Variants in CSMD3 observed in about 807,000 individuals in gnomAD.
The protein encoded by CSMD3 is CUB and sushi domain-containing protein 3.
CSMD3 carries 177 observed loss-of-function variants against 435.2 expected under a neutral mutation model. The ratio of observed to expected loss-of-function variants is 0.41; its 90% CI spans 0.36 to 0.46. The LOEUF (loss-of-function observed/expected upper bound fraction) is 0.46. Among genes scored for constraint, CSMD3 ranks in the 20% least tolerant of loss-of-function variants. CSMD3 has a pLI of 0.34. For synonymous variants in CSMD3, 1,656 were observed against 1,520.5 expected, an observed-to-expected ratio of 1.09 and a Z score of -2.07; for missense variants, 4,265 against 4,504.6, an observed-to-expected ratio of 0.95 and a Z score of 1.52.
intron 7 of CSMD3, among the ~76,000 whole-genome samples, chr8:112,974,889 T>A (rs2084789401): frequency 6.6e-6 from 1 of 151,760 alleles, no homozygotes; most frequent in Admixed American, 6.6e-5. Context: ...CCATGCCTAA[T>A]CACACTGCAA....
intron 59 of CSMD3, among the ~76,000 whole-genome samples, chr8:112,278,916 G>T (rs1239816564): frequency 6.6e-6 from 1 of 151,906 alleles, no homozygotes; most frequent in Non-Finnish European, 1.5e-5. Context: ...TTAAAATAAT[G>T]ATTTGGAACT....
chr8:112,865,289 G>A (rs2080945320), intron 10 of CSMD3, among the ~76,000 whole-genome samples: 1 of 152,068 alleles, frequency 6.6e-6, no homozygotes, highest in Admixed American at 6.6e-5. Flanking sequence ...GGCTGAGTAA[G>A]GACATGATTC....
In CSMD3 at chr8:112,859,239, C is replaced by T. The variant is rs1361326399; in HGVS notation, c.1661G>A (p.Gly554Glu). ...KVKTCGSNLQGPSGTFTSPNF... is the reference protein window; with the variant it reads ...KVKTCGSNLQEPSGTFTSPNF... ...GGGAGATGTAAAGGTACCACTTGGT[C>T]CTTGAAGATTAGAGCCACACGTTTT... The change falls in exon 11 of 71, where the codon GGA (glycine) becomes GAA (glutamate). Residue 554 changes from glycine (G) to glutamate (E), a missense_variant. Physicochemically the swap from Gly to Glu is moderately conservative, Grantham distance 98. This residue lies in a region of CSMD3 where 731 missense variants were observed against 755.4 expected (regional missense o/e 0.97). Coordinates refer to ENST00000297405, the MANE Select transcript of CSMD3 (RefSeq NM_198123.2). 1 of 1,611,162 alleles carries T rather than the reference C, an allele frequency of 6.2e-7. No homozygotes were observed. Among genetic ancestry groups the T allele is most frequent in the Non-Finnish European group, 8.5e-7 (1 of 1,177,882 alleles).
chr8:112,532,845 C>A (rs1328763217), intron 27 of CSMD3, among the ~76,000 whole-genome samples: 2 of 151,984 alleles, frequency 1.3e-5, no homozygotes, highest in African/African-American at 4.8e-5. Flanking sequence ...TGTCTTTAGT[C>A]TGAAGAAGAA....
At chr8:113,257,224 T>C (rs1002650210) in intron 3 of CSMD3, among the ~76,000 whole-genome samples, 1 of 152,030 alleles carries the variant, frequency 6.6e-6, no homozygotes, top group Non-Finnish European at 1.5e-5. Context: ...CTGGCTAACA[T>C]GGTGAAACCA....
chr8:113,284,027 A>G (rs577876122), intron 2 of CSMD3, among the ~76,000 whole-genome samples: 3 of 152,248 alleles, frequency 2.0e-5, no homozygotes, highest in African/African-American at 7.2e-5. Context: ...ATATGTGGGA[A>G]CTAAGCTGTG....
rs558114726 is a variant in CSMD3 at position 113,051,573 on chromosome 8, C to A, written c.918-32394G>T. Among the ~76,000 whole-genome samples the A allele has an allele frequency of 2.6e-5, 4 of 152,250 alleles. No individual in the cohort carries two copies. The South Asian group carries it at 8.3e-4, about 32-fold the overall frequency. On this transcript the variant is annotated intron_variant, in intron 5 of 70. Transcript: ENST00000297405. ...ACTAAAGGATTACACTTAGAATATA[C>A]AAACAGATATTTGTTGACCACCTAC...
intron 17 of CSMD3, among the ~76,000 whole-genome samples, chr8:112,661,945 A>G (rs534637640): frequency 1.3e-5 from 2 of 152,254 alleles, no homozygotes; most frequent in African/African-American, 4.8e-5. Flanking sequence ...TTTGAGACTT[A>G]CCCTGCTATA....
At chr8:112,613,430 C>T (rs1833418686) in intron 22 of CSMD3, among the ~76,000 whole-genome samples, 2 of 152,106 alleles carry the variant, frequency 1.3e-5, no homozygotes, top group Middle Eastern at 3.4e-3. Context: ...ATTTGAAATA[C>T]CTTAAAATAT....
chr8:113,276,180 T>C (rs1294860689), intron 3 of CSMD3, among the ~76,000 whole-genome samples: 1 of 152,112 alleles, frequency 6.6e-6, no homozygotes, highest in Non-Finnish European at 1.5e-5. Flanking sequence ...AATGTATCTC[T>C]GGAACTTGCA....
Position 113,019,067 on chromosome 8 carries a change from C to A in CSMD3, c.1030G>T (p.Gly344Cys). The A allele has an allele frequency of 1.3e-6, 2 of 1,587,504 alleles. No homozygotes were observed. The highest frequency in any genetic ancestry group is 1.7e-6 in the Non-Finnish European group (2 of 1,155,928). The change falls in exon 6 of 71, where the codon GGT becomes TGT. Residue 344 changes from glycine to cysteine, a missense_variant and splice_region_variant. This residue lies in a region of CSMD3 where 731 missense variants were observed against 755.4 expected (regional missense o/e 0.97). Coordinates refer to ENST00000297405, the MANE Select transcript of CSMD3 (RefSeq NM_198123.2). ...AGGCAAAGGTATTCCATAAGTATAC[C>A]TTGATAGGGAGCACTAAATCCACGG... ...RYRGFSAPYQ[G>C]SSTLTHTTST... is the part of the protein sequence containing the mutation.
At chr8:112,381,290 T>C (rs1413100043) in intron 37 of CSMD3, among the ~76,000 whole-genome samples, 1 of 152,184 alleles carries the variant, frequency 6.6e-6, no homozygotes, top group Non-Finnish European at 1.5e-5. Flanking sequence ...AGCAAATGCA[T>C]TATAATGATA....
At chr8:112,705,566 C>A (rs148116895) in intron 13 of CSMD3, among the ~76,000 whole-genome samples, 1 of 151,992 alleles carries the variant, frequency 6.6e-6, no homozygotes, top group East Asian at 1.9e-4. Flanking sequence ...CATGAGATAT[C>A]ATGTAAGTTT....
At chr8:112,234,301 T>C (rs941827142) in intron 68 of CSMD3, 64 bp downstream of exon 68, 34 of 1,062,318 alleles carry the variant, frequency 3.2e-5, no homozygotes, top group Non-Finnish European at 4.7e-5. Flanking sequence ...AAACTCTCCT[T>C]TCCTGGACAA....
intron 13 of CSMD3, among the ~76,000 whole-genome samples, chr8:112,761,056 C>G (rs2077826387): frequency 6.6e-6 from 1 of 152,152 alleles, no homozygotes; most frequent in Non-Finnish European, 1.5e-5. Flanking sequence ...TCACTTATAT[C>G]CCTTTTCAAC....
At chr8:112,621,231 G>A (rs977072379) in intron 22 of CSMD3, among the ~76,000 whole-genome samples, 1 of 151,882 alleles carries the variant, frequency 6.6e-6, no homozygotes, top group Admixed American at 6.6e-5. Context: ...GCGAAACTCT[G>A]TCTCAAAAAA....
At chr8:113,035,570 T>C (rs766868972) in intron 5 of CSMD3, among the ~76,000 whole-genome samples, 2 of 152,034 alleles carry the variant, frequency 1.3e-5, no homozygotes, top group Non-Finnish European at 2.9e-5. Context: ...TTATTGCAGC[T>C]ATATGATTGT....
rs116293893 is a variant in CSMD3 at position 113,079,259 on chromosome 8, G to A, written c.917+19497C>T. Among the ~76,000 whole-genome samples the A allele has an allele frequency of 7.8e-3, 1,188 of 152,258 alleles. 19 individuals are homozygous for A. The highest frequency in any genetic ancestry group is 0.027 in the African/African-American group (1,114 of 41,568). On this transcript the variant is annotated intron_variant, in intron 5 of 70. Coordinates refer to ENST00000297405, the MANE Select transcript of CSMD3 (RefSeq NM_198123.2). ...GTTCAATACATAATGGTAGAAAAAT[G>A]TAGATGGAAAATACATTCCTAGCAA...
At chr8:112,969,025 TA>T (rs1184345179) in intron 7 of CSMD3, among the ~76,000 whole-genome samples, 19 of 151,980 alleles carry the variant, frequency 1.3e-4, no homozygotes, top group Admixed American at 1.2e-3. Flanking sequence ...TGCATAATAA[TA>T]TAGCCTATTA....
Sources: allele counts gnomAD v4.1 joint callset (sites outside exome capture counted in the v4.1 genomes callset), GRCh38; gene constraint gnomAD v4.1.1; regional missense constraint gnomAD v4.1.1; transcripts MANE v1.5; gene names NCBI Gene and HGNC (gene_info 2026-07-23, HGNC 2026-07-21).